The following NPEPPS variants were observed in gnomAD, a reference collection of about 807,000 sequenced individuals.
NPEPPS encodes puromycin-sensitive aminopeptidase.
NPEPPS carries 14 observed loss-of-function variants against 115.5 expected under a neutral mutation model. The ratio of observed to expected loss-of-function variants is 0.12; its 90% CI spans 0.08 to 0.19. The LOEUF (loss-of-function observed/expected upper bound fraction) is 0.19, where lower values mean the gene tolerates loss of function less well. Ranked by LOEUF, NPEPPS falls within the 10% of genes least tolerant of loss-of-function variation. The pLI, the probability that NPEPPS is intolerant of heterozygous loss-of-function variation, is 1.00. For synonymous variants in NPEPPS, 285 were observed against 390.6 expected (o/e 0.73, Z 3.19); for missense variants, 523 against 1,110.8 (o/e 0.47, Z 7.52).
At chr17:47,574,043 A>C (rs1478208993) in intron 3 of NPEPPS, among the ~76,000 whole-genome samples, 2 of 152,132 alleles carry the variant, frequency 1.3e-5, no homozygotes, top group African/African-American at 4.8e-5. Flanking sequence ...AAGACTTGTT[A>C]TGGAAATTAG....
chr17:47,567,444 AC>A (rs1208632479), intron 2 of NPEPPS, among the ~76,000 whole-genome samples: 1 of 152,166 alleles, frequency 6.6e-6, no homozygotes, highest in African/African-American at 2.4e-5. Flanking sequence ...CTGAATCGTT[AC>A]CCACAGCATC....
Position 47,601,696 on chromosome 17 carries a change from G to A in NPEPPS, c.1689G>A (p.Lys563=), listed in dbSNP as rs749017866. 6.2e-7 allele frequency: 1 copy of A among 1,613,618 alleles called. No homozygotes were observed. The highest frequency in any genetic ancestry group is 8.5e-7 in the Non-Finnish European group (1 of 1,179,754). The change falls in exon 15 of 23, where the codon AAG becomes AAA. Residue 563 remains lysine, a synonymous_variant. Coordinates refer to ENST00000322157, the MANE Select transcript of NPEPPS (RefSeq NM_006310.4). ...NQAKLKILMD[K]PEMNVVLKNV... ...CCAAACTAAAAATTCTAATGGACAA[G>A]CCAGAGATGAATGTGGTTTTGAAAA...
At chr17:47,560,818 TA>T (rs888618473) in intron 2 of NPEPPS, among the ~76,000 whole-genome samples, 2 of 152,166 alleles carry the variant, frequency 1.3e-5, no homozygotes, top group African/African-American at 4.8e-5. Context: ...GCTATCTGAA[TA>T]AAAAAACAAA....
At chr17:47,601,485 C>A in intron 14 of NPEPPS, 123 bp from the exon 15 acceptor site, 1 of 997,438 alleles carries the variant, frequency 1.0e-6, no homozygotes, top group Non-Finnish European at 1.5e-6. Context: ...TCATGTACCA[C>A]TAAGAATGAA....
At chr17:47,526,980 A>G (rs1315537255), upstream of NPEPPS, among the ~76,000 whole-genome samples, 1 of 151,970 alleles carries the variant, frequency 6.6e-6, no homozygotes, top group African/African-American at 2.4e-5. Context: ...AAACAAAACA[A>G]AACTGGAGAG....
intron 2 of NPEPPS, chr17:47,548,235 T>A (rs1250881195): frequency 6.6e-6 from 1 of 152,206 alleles, no homozygotes; most frequent in South Asian, 2.1e-4. Context: ...AAGAAGTACT[T>A]AAGTTCAATT....
chr17:47,563,805 C>T (rs1238314804), intron 2 of NPEPPS, among the ~76,000 whole-genome samples: 2 of 152,068 alleles, frequency 1.3e-5, no homozygotes, highest in East Asian at 1.9e-4. Context: ...CTCTTGACCT[C>T]GTGATCCGCC....
intron 14 of NPEPPS, among the ~76,000 whole-genome samples, chr17:47,600,176 G>A (rs1913106021): frequency 6.6e-6 from 1 of 152,180 alleles, no homozygotes; most frequent in Admixed American, 6.5e-5. Flanking sequence ...GTTCACGCCT[G>A]TAGTCTCAGT....
intron 22 of NPEPPS, among the ~76,000 whole-genome samples, chr17:47,621,356 C>G (rs907411727): frequency 2.2e-4 from 33 of 152,016 alleles, no homozygotes; most frequent in African/African-American, 8.0e-4. Context: ...TATGGATTGT[C>G]TCTTTAATCT....
At chr17:47,544,115 C>T (rs1209354389) in intron 1 of NPEPPS, among the ~76,000 whole-genome samples, 5 of 151,962 alleles carry the variant, frequency 3.3e-5, no homozygotes, top group South Asian at 4.1e-4. Flanking sequence ...AGGATGGTCT[C>T]GATCTCCTGA....
chr17:47,570,677 GATGAA>G (rs1221691785), intron 3 of NPEPPS, among the ~76,000 whole-genome samples: 2 of 152,204 alleles, frequency 1.3e-5, no homozygotes, highest in African/African-American at 4.8e-5. Context: ...CTAAGACTTT[GATGAA>G]TGAACAAATG....
At chr17:47,600,442 G>A (rs560562327) in intron 14 of NPEPPS, among the ~76,000 whole-genome samples, 1 of 152,136 alleles carries the variant, frequency 6.6e-6, no homozygotes, top group African/African-American at 2.4e-5. Context: ...TCTGGGGGGA[G>A]AAAAAATATC....
rs1433053130 is a variant in NPEPPS at position 47,536,741 on chromosome 17, T to C, written c.255+5186T>C. Reference sequence around the variant, plus strand: ...TTTTTTTTTTTTTGAGACGGAGTTTTGCTCTTGTTGCCCAGGCTGGAGTGC... The same window carrying C: ...TTTTTTTTTTTTTGAGACGGAGTTTCGCTCTTGTTGCCCAGGCTGGAGTGC... On this transcript the variant is annotated intron_variant, in intron 1 of 22. Coordinates refer to ENST00000322157, the MANE Select transcript of NPEPPS (RefSeq NM_006310.4). Among the ~76,000 whole-genome samples, 58 of 124,864 alleles carry C rather than the reference T, an allele frequency of 4.6e-4. No homozygotes were observed. The Middle Eastern group carries it at 0.019, about 40-fold the overall frequency. 81.9% of individuals were successfully genotyped at this position (124,864 alleles called of 152,430 possible). A position where few individuals can be genotyped will look rare whatever the true frequency, so the allele number is the denominator to read the frequency against.
At chr17:47,540,612 G>C (rs1286859556) in intron 1 of NPEPPS, among the ~76,000 whole-genome samples, 1 of 152,158 alleles carries the variant, frequency 6.6e-6, no homozygotes, top group Non-Finnish European at 1.5e-5. Context: ...TATCCAAAGT[G>C]CCATATAATA....
chr17:47,612,927 C>T (rs962066563), intron 18 of NPEPPS, among the ~76,000 whole-genome samples: 12 of 152,042 alleles, frequency 7.9e-5, no homozygotes, highest in South Asian at 2.1e-4. Context: ...CCTCCCAAAG[C>T]GCTGGGATTA....
At chr17:47,594,364 T>A (rs556042295) in intron 12 of NPEPPS, among the ~76,000 whole-genome samples, 55 of 152,078 alleles carry the variant, frequency 3.6e-4, no homozygotes, top group Admixed American at 9.8e-4. Context: ...TACTGTAACA[T>A]TTTAAATTTA....
intron 2 of NPEPPS, among the ~76,000 whole-genome samples, chr17:47,566,710 A>G (rs952758151): frequency 3.1e-4 from 47 of 151,810 alleles, no homozygotes; most frequent in African/African-American, 1.0e-3. Flanking sequence ...GGCGTGAGCC[A>G]CTGCGCCCAG....
rs981053215 is a variant in NPEPPS at position 47,568,677 on chromosome 17, CAG to C, written c.341-737_341-736del. ...ACAAATAATTTTTTTTTTTTTGAGA[CAG>C]AGTTTCTCTGTTGTTGTTTAGGCTG... On this transcript the variant is annotated intron_variant, in intron 2 of 22. Transcript: ENST00000322157. Among the ~76,000 whole-genome samples the C allele has an allele frequency of 1.3e-4, 19 of 151,428 alleles. No individual in the cohort carries two copies. The East Asian group carries it at 2.7e-3, about 22-fold the overall frequency.
chr17:47,598,270 C>G (rs909309315), intron 13 of NPEPPS, among the ~76,000 whole-genome samples: 1 of 151,614 alleles, frequency 6.6e-6, no homozygotes, highest in Non-Finnish European at 1.5e-5. Flanking sequence ...CTCAGGAGTT[C>G]AAGACAAGCC....
Sources: allele counts gnomAD v4.1 joint callset (sites outside exome capture counted in the v4.1 genomes callset), GRCh38; gene constraint gnomAD v4.1.1; transcripts MANE v1.5; gene names NCBI Gene and HGNC (gene_info 2026-07-23, HGNC 2026-07-21).